Variants in ITSN1 observed in about 807,000 individuals in gnomAD.
The protein encoded by ITSN1 is intersectin-1.
A neutral mutation model predicts 239.8 loss-of-function variants in ITSN1; 58 were observed. The ratio of observed to expected loss-of-function variants is 0.24; its 90% CI spans 0.20 to 0.30. The LOEUF (loss-of-function observed/expected upper bound fraction) is 0.30, where lower values mean the gene tolerates loss of function less well. Ranked by LOEUF, ITSN1 falls within the 10% of genes least tolerant of loss-of-function variation. The probability of loss-of-function intolerance (pLI) is 1.00; values close to 1 mark genes in which losing one functional copy is unlikely to be tolerated. For missense variants in ITSN1, 1,558 were observed against 2,103.3 expected (o/e 0.74, Z 5.07); for synonymous variants, 780 against 770.8 (o/e 1.01, Z -0.20).
intron 27 of ITSN1, among the ~76,000 whole-genome samples, chr21:33,833,670 A>T (rs1473492221): frequency 6.6e-6 from 1 of 152,194 alleles, no homozygotes; most frequent in African/African-American, 2.4e-5. Context: ...GATCGAGACC[A>T]TCCTGGCTAA....
At chr21:33,684,766 A>G (rs891469794) in intron 1 of ITSN1, among the ~76,000 whole-genome samples, 1 of 152,164 alleles carries the variant, frequency 6.6e-6, no homozygotes, top group Non-Finnish European at 1.5e-5. Flanking sequence ...GTAATTTCCT[A>G]GTTCAGCTTC....
At chr21:33,773,986 C>T (rs2069389543) in intron 12 of ITSN1, among the ~76,000 whole-genome samples, 1 of 152,176 alleles carries the variant, frequency 6.6e-6, no homozygotes, top group African/African-American at 2.4e-5. Flanking sequence ...GGCCCCGTAA[C>T]TCCTTTTTGT....
intron 21 of ITSN1, among the ~76,000 whole-genome samples, chr21:33,813,530 TTTAGTAGAG>T (rs1402069176): frequency 6.6e-6 from 1 of 152,012 alleles, no homozygotes; most frequent in Non-Finnish European, 1.5e-5. Flanking sequence ...TTTTTGTATT[TTTAGTAGAG>T]ATGGGGTTTC....
At chr21:33,688,314 G>A (rs1019669256) in intron 1 of ITSN1, among the ~76,000 whole-genome samples, 2 of 151,990 alleles carry the variant, frequency 1.3e-5, no homozygotes, top group East Asian at 1.9e-4. Flanking sequence ...TGTCTCTTTC[G>A]GGAATTAAAA....
Position 33,782,042 on chromosome 21 carries a change from C to T in ITSN1, c.1733C>T (p.Ala578Val). ...LKRALEAKEL[A>V]RQHLRDQLDE... ...AGAGCCTTAGAAGCAAAAGAACTAGCTCGGCAGCACCTACGAGACCAACTG... is the reference window on the plus strand; with the variant it reads ...AGAGCCTTAGAAGCAAAAGAACTAGTTCGGCAGCACCTACGAGACCAACTG... Residue 578 changes from alanine (A) to valine (V), a missense_variant, in exon 16 of 40, where the codon GCT becomes GTT. By Grantham distance (64) the Ala-to-Val change is moderately conservative. This residue lies in a region of ITSN1 where 982 missense variants were observed against 1,209.9 expected (regional missense o/e 0.81). Coordinates refer to ENST00000381318, the MANE Select transcript of ITSN1 (RefSeq NM_003024.3). 1 of 1,613,528 alleles carries T rather than the reference C, an allele frequency of 6.2e-7. No homozygotes were observed. Among genetic ancestry groups the T allele is most frequent in the Admixed American group, 1.7e-5 (1 of 59,930 alleles).
intron 19 of ITSN1, 82 bp downstream of exon 19, chr21:33,800,011 G>C: frequency 7.1e-7 from 1 of 1,407,780 alleles, no homozygotes; most frequent in Non-Finnish European, 9.7e-7. Flanking sequence ...CAACAATTGT[G>C]AGATTGTCAG....
At position 33,775,091 on chromosome 21, in the gene ITSN1, C is replaced by T. The variant is rs901993996; in HGVS notation, c.1579C>T (p.Leu527=). The T allele has an allele frequency of 6.2e-7, 1 of 1,612,912 alleles. No individual in the cohort carries two copies. Among genetic ancestry groups the T allele is most frequent in the East Asian group, 2.2e-5 (1 of 44,868 alleles). ...GTTGAGAATTGCCGAAATCACCCATCTACAGCAACAATTACAGGTGAGGAA... is the reference window on the plus strand; with the variant it reads ...GTTGAGAATTGCCGAAATCACCCATTTACAGCAACAATTACAGGTGAGGAA... ...RELRIAEITH[L]QQQLQESQQM... The change falls in exon 14 of 40, where the codon CTA becomes TTA. Residue 527 remains leucine (L), a synonymous_variant. Transcript: ENST00000381318.
At chr21:33,842,137 C>T (rs2074845177) in intron 29 of ITSN1, among the ~76,000 whole-genome samples, 1 of 151,988 alleles carries the variant, frequency 6.6e-6, no homozygotes, top group Non-Finnish European at 1.5e-5. Flanking sequence ...CCTTGTGATC[C>T]GCCTGCCTCG....
intron 16 of ITSN1, among the ~76,000 whole-genome samples, chr21:33,784,310 A>AACACACACACACAC (rs58496273): frequency 0.042 from 5,687 of 134,076 alleles, 165 homozygotes; most frequent in Non-Finnish European, 0.05. Context: ...GTCTCTACAA[A>AACACACACACACAC]ACACACACAC....
intron 5 of ITSN1, among the ~76,000 whole-genome samples, chr21:33,742,530 C>A (rs570942271): frequency 6.6e-6 from 1 of 152,270 alleles, no homozygotes; most frequent in South Asian, 2.1e-4. Flanking sequence ...GAAAGTTCAA[C>A]CAGGCTGAGA....
At chr21:33,717,809 C>T (rs773202792) in intron 1 of ITSN1, among the ~76,000 whole-genome samples, 3 of 151,888 alleles carry the variant, frequency 2.0e-5, no homozygotes, top group Non-Finnish European at 2.9e-5. Flanking sequence ...CCTTGTGATC[C>T]GCCCGCCTTG....
At position 33,777,695 on chromosome 21, in the gene ITSN1, T is replaced by A. The variant is rs558839591; in HGVS notation, c.1596+2587T>A. Among the ~76,000 whole-genome samples, 10 of 152,352 alleles carry A rather than the reference T, an allele frequency of 6.6e-5. No individual in the cohort carries two copies. In the South Asian group the frequency reaches 2.1e-3, roughly 32 times the overall value. ...TTGTGGCTTTTGATGCTATTGTATA[T>A]TGCATATTTTTATTTTAGTTTCCAG... On this transcript the variant is annotated intron_variant, in intron 14 of 39. Coordinates refer to ENST00000381318, the MANE Select transcript of ITSN1 (RefSeq NM_003024.3).
intron 1 of ITSN1, among the ~76,000 whole-genome samples, chr21:33,651,269 T>A (rs1341700303): frequency 2.6e-5 from 4 of 152,222 alleles, no homozygotes; most frequent in South Asian, 4.1e-4. Flanking sequence ...GAAGTTAATG[T>A]AAGTTTTAAG....
At chr21:33,676,263 A>G (rs1025597696) in intron 1 of ITSN1, among the ~76,000 whole-genome samples, 1 of 152,142 alleles carries the variant, frequency 6.6e-6, no homozygotes, top group Non-Finnish European at 1.5e-5. Flanking sequence ...GATTACACGC[A>G]TGAGCCATTG....
chr21:33,886,296 A>G lies in ITSN1; in HGVS notation c.4853A>G (p.Asn1618Ser). The G allele has an allele frequency of 6.2e-7, 1 of 1,613,764 alleles. No homozygotes were observed. Among genetic ancestry groups the G allele is most frequent in the Non-Finnish European group, 8.5e-7 (1 of 1,179,920 alleles). Residue 1618 changes from asparagine to serine, a missense_variant, in exon 39 of 40, where the codon AAC becomes AGC. Coordinates refer to ENST00000381318, the MANE Select transcript of ITSN1 (RefSeq NM_003024.3). ...CTTTTGTTCCCTCCAGGAAAGAGCAACCCGTACTGTGAGGTGACCATGGGT... is the reference window on the plus strand; with the variant it reads ...CTTTTGTTCCCTCCAGGAAAGAGCAGCCCGTACTGTGAGGTGACCATGGGT... The part of the protein sequence containing the change: ...LKPCRSHGKS[N>S]PYCEVTMGSQ...
intron 34 of ITSN1, among the ~76,000 whole-genome samples, chr21:33,881,796 A>G (rs1183955084): frequency 2.6e-5 from 4 of 152,062 alleles, no homozygotes; most frequent in Non-Finnish European, 5.9e-5. Context: ...GCCTGGGCAA[A>G]GTAGGGAGAC....
At chr21:33,888,069 C>A in intron 39 of ITSN1, 83 bp from the exon 40 acceptor site, 1 of 1,411,492 alleles carries the variant, frequency 7.1e-7, no homozygotes. Flanking sequence ...AACAGTTCAT[C>A]AGGGGGTCCC....
intron 11 of ITSN1, among the ~76,000 whole-genome samples, chr21:33,770,880 C>T (rs1040223375): frequency 2.6e-5 from 4 of 151,504 alleles, no homozygotes; most frequent in African/African-American, 7.3e-5. Flanking sequence ...TCTCCTGTCT[C>T]AGCCTCCCAA....
intron 1 of ITSN1, among the ~76,000 whole-genome samples, chr21:33,663,847 C>A (rs1480099066): frequency 6.6e-6 from 1 of 152,202 alleles, no homozygotes; most frequent in Non-Finnish European, 1.5e-5. Flanking sequence ...GTGATCCGCC[C>A]ACCTCGGCCT....
Sources: allele counts gnomAD v4.1 joint callset (sites outside exome capture counted in the v4.1 genomes callset), GRCh38; gene constraint gnomAD v4.1.1; regional missense constraint gnomAD v4.1.1; transcripts MANE v1.5; gene names NCBI Gene and HGNC (gene_info 2026-07-23, HGNC 2026-07-21).